Variants in LHFPL6 observed in about 807,000 individuals in gnomAD.
The protein encoded by LHFPL6 is LHFPL tetraspan subfamily member 6 protein.
A neutral mutation model predicts 20.6 loss-of-function variants in LHFPL6; 9 were observed. The ratio of observed to expected loss-of-function variants is 0.44; its 90% CI spans 0.26 to 0.76. The LOEUF is 0.76. Ranked by LOEUF, LHFPL6 falls within the 30% of genes least tolerant of loss-of-function variation. LHFPL6 has a pLI of 0.20. For synonymous variants in LHFPL6, 105 were observed against 98.7 expected, an observed-to-expected ratio of 1.06 and a Z score of -0.38; for missense variants, 218 against 253.5, an observed-to-expected ratio of 0.86 and a Z score of 0.95.
chr13:39,568,329 C>G (rs1871795520), intron 2 of LHFPL6, among the ~76,000 whole-genome samples: 1 of 151,696 alleles, frequency 6.6e-6, no homozygotes, highest in African/African-American at 2.4e-5. Context: ...GGAAAAACAC[C>G]CTTTTGTGGT....
At chr13:39,502,771 C>G (rs1869336942) in intron 2 of LHFPL6, among the ~76,000 whole-genome samples, 1 of 152,182 alleles carries the variant, frequency 6.6e-6, no homozygotes, top group Non-Finnish European at 1.5e-5. Context: ...TCCCAACATA[C>G]TAAACACAGA....
chr13:39,398,228 T>A (rs1321643060), intron 2 of LHFPL6, among the ~76,000 whole-genome samples: 1 of 152,182 alleles, frequency 6.6e-6, no homozygotes, highest in East Asian at 1.9e-4. Flanking sequence ...AGTTTCTGAA[T>A]AAGCTCAATG....
intron 2 of LHFPL6, among the ~76,000 whole-genome samples, chr13:39,431,182 C>CACAGTTGA (rs200139890): frequency 6.6e-6 from 1 of 151,942 alleles, no homozygotes; most frequent in African/African-American, 2.4e-5. Flanking sequence ...AAACTCTGGA[C>CACAGTTGA]ACATCTGAAC....
chr13:39,454,417 CA>C lies in LHFPL6; in HGVS notation c.386-75892del, dbSNP rs1477776443. On this transcript the variant is annotated intron_variant, in intron 2 of 3. Coordinates refer to ENST00000379589, the MANE Select transcript of LHFPL6 (RefSeq NM_005780.3). Reference sequence around the variant, plus strand: ...GGCCGAGGCGGGCGGATCATGAGGTCAGGAGATCGAGACCATCCCGGCTAAA... The same window carrying C: ...GGCCGAGGCGGGCGGATCATGAGGTCGGAGATCGAGACCATCCCGGCTAAA... Among the ~76,000 whole-genome samples, 84 of 96,972 alleles carry C rather than the reference CA, an allele frequency of 8.7e-4. 34 individuals are homozygous for C. The highest frequency in any genetic ancestry group is 4.3e-3 in the African/African-American group (81 of 18,960). 63.6% of individuals were successfully genotyped at this position (96,972 alleles called of 152,430 possible). A position where few individuals can be genotyped will look rare whatever the true frequency, so the allele number is the denominator to read the frequency against.
chr13:39,449,877 T>G (rs1467183276), intron 2 of LHFPL6, among the ~76,000 whole-genome samples: 1 of 152,042 alleles, frequency 6.6e-6, no homozygotes, highest in Non-Finnish European at 1.5e-5. Flanking sequence ...TTGAATAGTT[T>G]GCTAATTTCC....
intron 2 of LHFPL6, among the ~76,000 whole-genome samples, chr13:39,527,335 C>T (rs1220615590): frequency 6.6e-6 from 1 of 152,118 alleles, no homozygotes; most frequent in Non-Finnish European, 1.5e-5. Context: ...AGGTGATGTG[C>T]TTCAACTAAC....
intron 2 of LHFPL6, among the ~76,000 whole-genome samples, chr13:39,505,309 A>C (rs1869437965): frequency 6.6e-6 from 1 of 152,188 alleles, no homozygotes; most frequent in Non-Finnish European, 1.5e-5. Context: ...TGTCAGTAGA[A>C]TCTCAGTGGA....
intron 2 of LHFPL6, among the ~76,000 whole-genome samples, chr13:39,599,122 A>C (rs1307424301): frequency 6.6e-6 from 1 of 152,182 alleles, no homozygotes; most frequent in Non-Finnish European, 1.5e-5. Context: ...TTACACGTTT[A>C]AAGATAATCA....
At chr13:39,562,425 T>C (rs200853716) in intron 2 of LHFPL6, among the ~76,000 whole-genome samples, 3 of 99,000 alleles carry the variant, frequency 3.0e-5, no homozygotes, top group East Asian at 3.7e-4. Flanking sequence ...CACATATACA[T>C]ATATACATAT....
chr13:39,502,632 C>T (rs150299098), intron 2 of LHFPL6, among the ~76,000 whole-genome samples: 51 of 152,138 alleles, frequency 3.4e-4, no homozygotes, highest in African/African-American at 1.1e-3. Flanking sequence ...CACACACATA[C>T]GTTTTGAGCT....
chr13:39,382,444 C>T (rs373541305), intron 2 of LHFPL6, among the ~76,000 whole-genome samples: 71 of 152,102 alleles, frequency 4.7e-4, no homozygotes, highest in African/African-American at 1.6e-3. Flanking sequence ...TTGCTGTTTC[C>T]CAGGCTGGAG....
chr13:39,432,193 T>A (rs1871830567), intron 2 of LHFPL6, among the ~76,000 whole-genome samples: 1 of 152,216 alleles, frequency 6.6e-6, no homozygotes, highest in Non-Finnish European at 1.5e-5. Context: ...GGAAATGAGT[T>A]TCTTTTATTT....
rs1272105764 is a variant in LHFPL6, at chr13:39,419,516, T to C, written c.386-40990A>G. ...TATAACCAATAAATGTCTCATTCAT[T>C]ATATGTGAAATAAGAGTTGAATTAG... On this transcript the variant is annotated intron_variant, in intron 2 of 3. Transcript: ENST00000379589. Among the ~76,000 whole-genome samples the C allele has an allele frequency of 2.0e-5, 3 of 152,236 alleles. No individual in the cohort carries two copies. The East Asian group carries it at 5.8e-4, about 29-fold the overall frequency.
At position 39,479,152 on chromosome 13, in the gene LHFPL6, T is replaced by TCTATCTAG. The variant is rs1407724256; in HGVS notation, c.386-100627_386-100626insCTAGATAG. 2.0e-5 allele frequency among the ~76,000 whole-genome samples: 3 copies of TCTATCTAG among 151,942 alleles called. No homozygotes were observed. In the East Asian group the frequency reaches 5.8e-4, roughly 30 times the overall value. ...ATCTATCTATCTATCTATCTATCTA[T>TCTATCTAG]CTATCTGTATATATACAATTCTCTT... On this transcript the variant is annotated intron_variant, in intron 2 of 3. Coordinates refer to ENST00000379589, the MANE Select transcript of LHFPL6 (RefSeq NM_005780.3).
At chr13:39,368,724 G>T (rs559002426) in intron 3 of LHFPL6, among the ~76,000 whole-genome samples, 1 of 152,100 alleles carries the variant, frequency 6.6e-6, no homozygotes, top group Non-Finnish European at 1.5e-5. Context: ...AAAGAGACAG[G>T]CATCATTAAT....
chr13:39,459,602 T>A (rs1263937334), intron 2 of LHFPL6, among the ~76,000 whole-genome samples: 3 of 152,202 alleles, frequency 2.0e-5, no homozygotes, highest in Non-Finnish European at 2.9e-5. Context: ...CAAGACTTTC[T>A]TTCCCATGGG....
In LHFPL6 at chr13:39,352,914, T is replaced by C. The variant is rs866872900; in HGVS notation, c.485-8860A>G. Among the ~76,000 whole-genome samples the C allele has an allele frequency of 1.1e-3, 62 of 54,634 alleles. 1 individual carries two copies. Among genetic ancestry groups the C allele is most frequent in the South Asian group, 2.5e-3 (3 of 1,204 alleles). The allele number at this position is 54,634 out of a possible 152,430, so 35.8% of individuals were successfully genotyped here. A position where few individuals can be genotyped will look rare whatever the true frequency, so the allele number is the denominator to read the frequency against. On this transcript the variant is annotated intron_variant, in intron 3 of 3. Transcript: ENST00000379589. ...ATATGTGTATATATATATAAATGTATATATATATAAATGTATATATATGTG... is the reference window on the plus strand; with the variant it reads ...ATATGTGTATATATATATAAATGTACATATATATAAATGTATATATATGTG...
chr13:39,599,990 G>T (rs1420214774), intron 2 of LHFPL6, among the ~76,000 whole-genome samples: 3 of 152,200 alleles, frequency 2.0e-5, no homozygotes, highest in Non-Finnish European at 4.4e-5. Flanking sequence ...AGGGTGGACT[G>T]TAAATCAGAC....
Position 39,531,893 on chromosome 13 carries a change from C to G in LHFPL6, c.385+68939G>C, listed in dbSNP as rs183518436. 3.2e-4 allele frequency among the ~76,000 whole-genome samples: 49 copies of G among 152,226 alleles called. No homozygotes were observed. In the East Asian group the frequency reaches 6.2e-3, roughly 19 times the overall value. On this transcript the variant is annotated intron_variant, in intron 2 of 3. Coordinates refer to ENST00000379589, the MANE Select transcript of LHFPL6 (RefSeq NM_005780.3). ...TGATATATGCCAACACCCTGAAAAGCATTTCAGGGTGTCAAAAGCAGCCAC... is the reference window on the plus strand; with the variant it reads ...TGATATATGCCAACACCCTGAAAAGGATTTCAGGGTGTCAAAAGCAGCCAC...
Sources: gnomAD v4.1 joint callset for allele counts (sites outside exome capture counted in the v4.1 genomes callset) on GRCh38, gnomAD v4.1.1 for gene constraint, MANE v1.5 for transcripts, NCBI Gene and HGNC (gene_info 2026-07-23, HGNC 2026-07-21) for gene names.